The following STMN4 variants were observed in gnomAD, a reference collection of about 807,000 sequenced individuals.
STMN4 encodes stathmin 4, also known as stathmin-4.
In STMN4, 12 loss-of-function variants were observed where a neutral mutation model predicts 29.1. The ratio of observed to expected loss-of-function variants is 0.41; its 90% CI spans 0.26 to 0.67. STMN4 has a LOEUF of 0.67. STMN4 is among the 30% of genes least tolerant of loss of function. STMN4 has a pLI of 0.30. For missense variants in STMN4, 181 were observed against 262.8 expected (o/e 0.69, Z 2.15); for synonymous variants, 114 against 105.3 (o/e 1.08, Z -0.51).
intron 1 of STMN4, among the ~76,000 whole-genome samples, chr8:27,248,296 G>T (rs945175932): frequency 6.6e-6 from 1 of 152,076 alleles, no homozygotes; most frequent in African/African-American, 2.4e-5. Flanking sequence ...GCAAAGATTC[G>T]AGTGTGGCCT....
In STMN4 at chr8:27,235,911, G is replaced by A. The variant is rs1186548686; in HGVS notation, c.*935C>T. On this transcript the variant is annotated 3_prime_UTR_variant, in exon 7 of 7. Coordinates refer to ENST00000350889, the MANE Select transcript of STMN4 (RefSeq NM_030795.4). ...CCAAAACTGTGAGCAATCAATTTCT[G>A]TTATCAATTACTTAGTCTAAGGTAT... 1 of 152,370 alleles carries A rather than the reference G, an allele frequency of 6.6e-6. No homozygotes were observed. Among genetic ancestry groups the A allele is most frequent in the East Asian group, 1.9e-4 (1 of 5,202 alleles). The allele number at this position is 152,370 out of a possible 1,614,324, so 9.4% of individuals were successfully genotyped here.
At position 27,238,828 on chromosome 8, in the gene STMN4, T is replaced by G. The variant is rs189512117; in HGVS notation, c.591+1143A>C. On this transcript the variant is annotated intron_variant, in intron 6 of 6. Coordinates refer to ENST00000350889, the MANE Select transcript of STMN4 (RefSeq NM_030795.4). ...CCTCAGGGACTTGTTGTGAGGATAG[T>G]GGCGAGAGGAAATGAAAGTATTTTG... Among the ~76,000 whole-genome samples the G allele has an allele frequency of 2.0e-5, 3 of 152,354 alleles. No individual in the cohort carries two copies. In the East Asian group the frequency reaches 5.8e-4, roughly 29 times the overall value.
At chr8:27,246,899 A>T (rs1373503954) in intron 1 of STMN4, among the ~76,000 whole-genome samples, 1 of 152,180 alleles carries the variant, frequency 6.6e-6, no homozygotes, top group African/African-American at 2.4e-5. Flanking sequence ...GCCAGGGCTC[A>T]AACCCATGGT....
At position 27,258,370 on chromosome 8, in the gene STMN4, G is replaced by C. The variant is rs1322539190; in HGVS notation, c.-98C>G. ...ACTTACGTGCAGTCCAGTTAGAAGC[G>C]AGCTGCTCTCTTCCTCACTCCCTCA... is the stretch of plus-strand genomic sequence containing the variant. On this transcript the variant is annotated 5_prime_UTR_variant, in exon 1 of 7. Coordinates refer to ENST00000350889, the MANE Select transcript of STMN4 (RefSeq NM_030795.4). 3 of 152,200 alleles carry C rather than the reference G, an allele frequency of 2.0e-5. No individual in the cohort carries two copies. Among genetic ancestry groups the C allele is most frequent in the Non-Finnish European group, 2.9e-5 (2 of 68,054 alleles). 9.4% of individuals were successfully genotyped at this position (152,200 alleles called of 1,614,324 possible).
At chr8:27,244,028 T>A (rs1006140915) in intron 1 of STMN4, among the ~76,000 whole-genome samples, 2 of 152,162 alleles carry the variant, frequency 1.3e-5, no homozygotes, top group Non-Finnish European at 2.9e-5. Context: ...CATAATTGGC[T>A]TTCCAGTCTC....
chr8:27,238,506 C>T (rs568863759), intron 6 of STMN4, among the ~76,000 whole-genome samples: 5 of 152,358 alleles, frequency 3.3e-5, no homozygotes, highest in African/African-American at 1.2e-4. Context: ...GTCTCTCTGC[C>T]TCTGAATCTA....
At chr8:27,239,577 C>A (rs1422393702) in intron 6 of STMN4, 2 of 942,676 alleles carry the variant, frequency 2.1e-6, no homozygotes, top group African/African-American at 1.7e-5. Flanking sequence ...TGACTTAGAG[C>A]CAAGAGCTCA....
chr8:27,244,546 C>T lies in STMN4; in HGVS notation c.-78-745G>A, dbSNP rs992406097. Among the ~76,000 whole-genome samples the T allele has an allele frequency of 1.3e-5, 2 of 152,250 alleles. 1 individual carries two copies. Among genetic ancestry groups the T allele is most frequent in the Admixed American group, 1.3e-4 (2 of 15,300 alleles). On this transcript the variant is annotated intron_variant, in intron 1 of 6. Coordinates refer to ENST00000350889, the MANE Select transcript of STMN4 (RefSeq NM_030795.4). The stretch of plus-strand genomic sequence containing the variant: ...CAGAAATAGGGCTCCACACCCCCAG[C>T]ATTTGCCAGGGAGCCTGGGAGGTGT...
chr8:27,240,998 C>G (rs1382500557), intron 5 of STMN4, 56 bp downstream of exon 5: 9 of 1,543,008 alleles, frequency 5.8e-6, no homozygotes, highest in Non-Finnish European at 7.9e-6. Flanking sequence ...CCTGTCTTCT[C>G]CACCTCCCTC....
chr8:27,255,902 T>C (rs1384425141), intron 1 of STMN4, among the ~76,000 whole-genome samples: 1 of 152,196 alleles, frequency 6.6e-6, no homozygotes. Flanking sequence ...CTGGCCACTA[T>C]GGACAATATG....
rs780995701 is a variant in STMN4 at position 27,243,739 on chromosome 8, T to A, written c.-16A>T. ...CAAGGGTCATGTTTCTGGGATCTGG[T>A]GGCTGAATCTAGCTGAAAGTTACAG... On this transcript the variant is annotated 5_prime_UTR_variant, in exon 2 of 7. Transcript: ENST00000350889. 2 of 1,614,196 alleles carry A rather than the reference T, an allele frequency of 1.2e-6. No individual in the cohort carries two copies. Among genetic ancestry groups the A allele is most frequent in the South Asian group, 1.1e-5 (1 of 91,090 alleles).
chr8:27,237,299 T>G (rs1261423669), intron 6 of STMN4, among the ~76,000 whole-genome samples: 1 of 152,244 alleles, frequency 6.6e-6, no homozygotes, highest in Non-Finnish European at 1.5e-5. Context: ...CAGGCCTCAC[T>G]ACAAGCATCC....
chr8:27,244,006 C>T (rs1377650054), intron 1 of STMN4, among the ~76,000 whole-genome samples: 1 of 152,192 alleles, frequency 6.6e-6, no homozygotes, highest in African/African-American at 2.4e-5. Context: ...ATTCCATGAA[C>T]TAATGATACT....
intron 1 of STMN4, among the ~76,000 whole-genome samples, chr8:27,245,711 G>A (rs867906704): frequency 3.4e-4 from 51 of 152,228 alleles, no homozygotes; most frequent in African/African-American, 1.2e-3. Flanking sequence ...ACTTCTACCT[G>A]GGGAAAGGAT....
rs771099876 is a variant in STMN4, at chr8:27,242,393, T to C, written c.109+4A>G. 8 of 1,614,128 alleles carry C rather than the reference T, an allele frequency of 5.0e-6. No individual in the cohort carries two copies. In the South Asian group the frequency reaches 7.7e-5, roughly 16 times the overall value. On this transcript the variant is annotated splice_donor_region_variant and intron_variant, in intron 3 of 6. Transcript: ENST00000350889. ...CTCACTTTCCTGGCTGAGCCTTCACTGACCTTCATATTTGTAGGACGACTT... is the reference window on the plus strand; with the variant it reads ...CTCACTTTCCTGGCTGAGCCTTCACCGACCTTCATATTTGTAGGACGACTT...
intron 3 of STMN4, chr8:27,242,101 C>G: frequency 1.8e-6 from 1 of 562,168 alleles, no homozygotes; most frequent in Non-Finnish European, 3.2e-6. Context: ...GAATATCTGT[C>G]TGGCTCACCT....
chr8:27,244,390 CA>C (rs2130092119), intron 1 of STMN4, among the ~76,000 whole-genome samples: 1 of 152,238 alleles, frequency 6.6e-6, no homozygotes, highest in East Asian at 1.9e-4. Flanking sequence ...GAAAGAAAAA[CA>C]TTAAGGAATC....
chr8:27,248,011 CAGA>C (rs893476645), intron 1 of STMN4, among the ~76,000 whole-genome samples: 21 of 152,182 alleles, frequency 1.4e-4, no homozygotes, highest in Non-Finnish European at 2.9e-4. Context: ...GAGCCCCAGA[CAGA>C]AGGTCAATGT....
rs573025863 is a variant in STMN4, at chr8:27,240,143, A to C, written c.419T>G (p.Leu140Arg). 8 of 1,613,874 alleles carry C rather than the reference A, an allele frequency of 5.0e-6. No individual in the cohort carries two copies. In the East Asian group the frequency reaches 1.8e-4, roughly 36 times the overall value. Residue 140 changes from leucine to arginine, a missense_variant, in exon 6 of 7, where the codon CTG (leucine) becomes CGG (arginine). By Grantham distance (102) the Leu-to-Arg change is moderately radical (BLOSUM62 -2). Coordinates refer to ENST00000350889, the MANE Select transcript of STMN4 (RefSeq NM_030795.4). ...TTCCCGTTTCTCTGCTAGGTGTTTC[A>C]GGAGCTCCGCTTCCTGGTACTGGGG... is the stretch of plus-strand genomic sequence containing the variant. ...ERRKYQEAEL[L>R]KHLAEKREHE...
Sources: gnomAD v4.1 joint callset for allele counts (sites outside exome capture counted in the v4.1 genomes callset) on GRCh38, gnomAD v4.1.1 for gene constraint, MANE v1.5 for transcripts, NCBI Gene and HGNC (gene_info 2026-07-23, HGNC 2026-07-21) for gene names.